Variants in TLR2 observed in about 807,000 individuals in gnomAD.
TLR2 encodes toll like receptor 2, also known as toll-like receptor 2.
A neutral mutation model predicts 9.1 loss-of-function variants in TLR2; 7 were observed. That is an observed-to-expected ratio of 0.77 (90% confidence interval 0.44 to 1.44). The LOEUF is 1.44. TLR2 is among the 40% of genes most tolerant of loss of function. The pLI is 0.01. For missense variants in TLR2, 812 were observed against 904.6 expected, an observed-to-expected ratio of 0.90 and a Z score of 1.31; for synonymous variants, 317 against 344.6, an observed-to-expected ratio of 0.92 and a Z score of 0.89.
At chr4:153,692,749 A>T (rs1483956203) in intron 2 of TLR2, among the ~76,000 whole-genome samples, 1 of 152,150 alleles carries the variant, frequency 6.6e-6, no homozygotes, top group African/African-American at 2.4e-5. Context: ...AGAAGTTATA[A>T]TTTTTTGTAT....
intron 2 of TLR2, among the ~76,000 whole-genome samples, chr4:153,689,034 G>A (rs1461786209): frequency 2.6e-5 from 4 of 152,198 alleles, no homozygotes; most frequent in Non-Finnish European, 5.9e-5. Context: ...GCTTCCAAGT[G>A]TCTTTATCTA....
At chr4:153,691,475 A>G (rs946248417) in intron 2 of TLR2, among the ~76,000 whole-genome samples, 1 of 152,234 alleles carries the variant, frequency 6.6e-6, no homozygotes, top group Non-Finnish European at 1.5e-5. Flanking sequence ...TGTGGAAGAA[A>G]AAGCCACTGT....
At position 153,703,428 on chromosome 4, in the gene TLR2, C is replaced by G; in HGVS notation, c.521C>G (p.Thr174Ser). 6.2e-7 allele frequency: 1 copy of G among 1,614,054 alleles called. No individual in the cohort carries two copies. The highest frequency in any genetic ancestry group is 8.5e-7 in the Non-Finnish European group (1 of 1,180,000). ...KIQRKDFAGL[T>S]FLEELEIDAS... ...CAAAGAAAAGATTTTGCTGGACTTA[C>G]CTTCCTTGAGGAACTTGAGATTGAT... Residue 174 changes from threonine (T) to serine (S), a missense_variant, in exon 3 of 3, where the codon ACC (threonine) becomes AGC (serine). Thr to Ser is a moderately conservative substitution (Grantham distance 58). Transcript: ENST00000642700.
At chr4:153,693,806 C>A (rs1442010579) in intron 2 of TLR2, among the ~76,000 whole-genome samples, 1 of 152,214 alleles carries the variant, frequency 6.6e-6, no homozygotes, top group Non-Finnish European at 1.5e-5. Context: ...TTCTTACTCA[C>A]CATGGGGATT....
At chr4:153,684,482 GC>G (rs1431958082) in intron 1 of TLR2, 122 bp downstream of exon 1, 2 of 152,456 alleles carry the variant, frequency 1.3e-5, no homozygotes, top group African/African-American at 4.8e-5. Flanking sequence ...CTCCCGTTCG[GC>G]TGCACCTGGG....
At chr4:153,702,172 A>C (rs893888999) in intron 2 of TLR2, 4 of 152,216 alleles carry the variant, frequency 2.6e-5, no homozygotes, top group Non-Finnish European at 4.4e-5. Context: ...TTTCCCCCAC[A>C]TTAATCTGAA....
chr4:153,695,928 A>G (rs1364712618), intron 2 of TLR2, among the ~76,000 whole-genome samples: 1 of 152,120 alleles, frequency 6.6e-6, no homozygotes, highest in Non-Finnish European at 1.5e-5. Flanking sequence ...TGTTGAAGAG[A>G]CTGTCCTTTC....
chr4:153,709,264 G>A (rs1308840515), downstream of TLR2, among the ~76,000 whole-genome samples: 1 of 152,150 alleles, frequency 6.6e-6, no homozygotes, highest in East Asian at 1.9e-4. Flanking sequence ...TAAGTATAGT[G>A]CCAATATCTG....
At chr4:153,693,629 C>T (rs972747570) in intron 2 of TLR2, among the ~76,000 whole-genome samples, 2 of 152,194 alleles carry the variant, frequency 1.3e-5, no homozygotes, top group Non-Finnish European at 2.9e-5. Flanking sequence ...AAACCTCTCC[C>T]TCCTTTGCCA....
intron 1 of TLR2, among the ~76,000 whole-genome samples, chr4:153,684,781 C>G: frequency 6.6e-6 from 1 of 152,258 alleles, no homozygotes; most frequent in South Asian, 2.1e-4. Context: ...GGGCTCCGGG[C>G]CTCTGGCCGC....
intron 2 of TLR2, 148 bp from the exon 3 acceptor site, chr4:153,702,744 T>G: frequency 3.1e-6 from 2 of 653,930 alleles, no homozygotes; most frequent in Non-Finnish European, 4.9e-6. Flanking sequence ...ATTCATCTGT[T>G]TCTCTCTCTC....
intron 2 of TLR2, among the ~76,000 whole-genome samples, chr4:153,699,769 T>C (rs535114657): frequency 3.3e-4 from 51 of 152,336 alleles, no homozygotes; most frequent in South Asian, 8.3e-4. Context: ...TGATTGGGGA[T>C]ACAGAAAATG....
At chr4:153,684,893 T>C (rs970233) in intron 1 of TLR2, among the ~76,000 whole-genome samples, 146,598 of 152,282 alleles carry the variant, frequency 0.96, 70,779 homozygotes, top group East Asian at 1. Flanking sequence ...GTAGGGTCGC[T>C]CTCCCCGCCT....
chr4:153,689,452 A>AGGGGACCAATCAATAATGATTCCAT (rs1342051880), intron 2 of TLR2, among the ~76,000 whole-genome samples: 1 of 152,228 alleles, frequency 6.6e-6, no homozygotes, highest in Non-Finnish European at 1.5e-5. Flanking sequence ...ACATCCCCTT[A>AGGGGACCAATCAATAATGATTCCAT]GGGGACCAAT....
At chr4:153,696,115 C>T (rs995840734) in intron 2 of TLR2, among the ~76,000 whole-genome samples, 1 of 152,018 alleles carries the variant, frequency 6.6e-6, no homozygotes. Context: ...TGTGATTCCT[C>T]CAGTTTTGTT....
Position 153,705,155 on chromosome 4 carries a change from TGCAAGC to T in TLR2, c.2249_2254del (p.Cys750_Lys751del). On this transcript the variant is annotated inframe_deletion, in exon 3 of 3. Transcript: ENST00000642700. ...GAAAAAAGCCATTCCCCAGCGCTTCTGCAAGCTGCGGAAGATAATGAACACCAAGAC... is the reference window on the plus strand; with the variant it reads ...GAAAAAAGCCATTCCCCAGCGCTTCTTGCGGAAGATAATGAACACCAAGAC... 6.2e-7 allele frequency: 1 copy of T among 1,614,164 alleles called. No individual in the cohort carries two copies. The highest frequency in any genetic ancestry group is 8.5e-7 in the Non-Finnish European group (1 of 1,180,018).
chr4:153,703,395 C>T lies in TLR2; in HGVS notation c.488C>T (p.Thr163Ile), dbSNP rs1437148788. 3.1e-6 allele frequency: 5 copies of T among 1,614,076 alleles called. No individual in the cohort carries two copies. Among genetic ancestry groups the T allele is most frequent in the Non-Finnish European group, 3.4e-6 (4 of 1,180,020 alleles). Residue 163 changes from threonine to isoleucine, a missense_variant, in exon 3 of 3, where the codon ACT (threonine) becomes ATT (isoleucine). By Grantham distance (89) the Thr-to-Ile change is moderately conservative (BLOSUM62 -1). Coordinates refer to ENST00000642700, the MANE Select transcript of TLR2 (RefSeq NM_001318789.2). ...AGAGTGGGAAATATGGACACCTTCA[C>T]TAAGATTCAAAGAAAAGATTTTGCT... ...ILRVGNMDTF[T>I]KIQRKDFAGL...
Position 153,703,337 on chromosome 4 carries a change from C to A in TLR2, c.430C>A (p.Leu144Ile). The A allele has an allele frequency of 6.2e-7, 1 of 1,613,886 alleles. No individual in the cohort carries two copies. The highest frequency in any genetic ancestry group is 1.1e-5 in the South Asian group (1 of 90,972). The change falls in exon 3 of 3, where the codon CTT becomes ATT. Residue 144 changes from leucine to isoleucine, a missense_variant. Leu to Ile is a conservative substitution (Grantham distance 5, BLOSUM62 2). Coordinates refer to ENST00000642700, the MANE Select transcript of TLR2 (RefSeq NM_001318789.2). ...TTACAAAACCCTAGGGGAAACATCT[C>A]TTTTTTCTCATCTCACAAAATTGCA... is the stretch of plus-strand genomic sequence containing the variant. ...NPYKTLGETSLFSHLTKLQIL... is the reference protein window; with the variant it reads ...NPYKTLGETSIFSHLTKLQIL...
rs529455644 is a variant in TLR2, at chr4:153,703,596, G to A, written c.689G>A (p.Arg230Gln). Reference sequence around the variant, plus strand: ...AGTTCCGTGGAATGTTTGGAACTGCGAGATACTGATTTGGACACTTTCCAT... The same window carrying A: ...AGTTCCGTGGAATGTTTGGAACTGCAAGATACTGATTTGGACACTTTCCAT... ...VTSSVECLELRDTDLDTFHFS... is the reference protein window; with the variant it reads ...VTSSVECLELQDTDLDTFHFS... The change falls in exon 3 of 3, where the codon CGA becomes CAA. Residue 230 changes from arginine (R) to glutamine (Q), a missense_variant. Transcript: ENST00000642700. 5.6e-6 allele frequency: 9 copies of A among 1,614,078 alleles called. No individual in the cohort carries two copies. Among genetic ancestry groups the A allele is most frequent in the African/African-American group, 1.3e-5 (1 of 75,046 alleles).
Sources: gnomAD v4.1 joint callset for allele counts (sites outside exome capture counted in the v4.1 genomes callset) on GRCh38, gnomAD v4.1.1 for gene constraint, MANE v1.5 for transcripts, NCBI Gene and HGNC (gene_info 2026-07-23, HGNC 2026-07-21) for gene names.